TRIM9: variants seen among roughly 807,000 people sequenced by gnomAD.
TRIM9 encodes the protein tripartite motif containing 9, also known as E3 ubiquitin-protein ligase TRIM9.
Under a neutral mutation model 78.3 loss-of-function variants are expected in TRIM9, and 26 were observed. The observed-to-expected ratio is 0.33, with a 90% CI of 0.24 to 0.46. TRIM9 has a LOEUF of 0.46. TRIM9 is among the 20% of genes least tolerant of loss of function. The pLI, the probability that TRIM9 is intolerant of heterozygous loss-of-function variation, is 1.00. For synonymous variants in TRIM9, 398 were observed against 416.5 expected, an observed-to-expected ratio of 0.96 and a Z score of 0.54; for missense variants, 787 against 1,036.4, an observed-to-expected ratio of 0.76 and a Z score of 3.30.
chr14:51,004,027 A>G (rs1237447033), intron 5 of TRIM9, among the ~76,000 whole-genome samples: 2 of 152,202 alleles, frequency 1.3e-5, no homozygotes, highest in African/African-American at 2.4e-5. Flanking sequence ...TCTATCTTTT[A>G]TGGTTTGGAA....
chr14:51,026,150 G>A (rs541096781), intron 1 of TRIM9, among the ~76,000 whole-genome samples: 1 of 152,324 alleles, frequency 6.6e-6, no homozygotes, highest in Non-Finnish European at 1.5e-5. Flanking sequence ...AGGGGTCTGA[G>A]AAAGCTTTTG....
chr14:51,059,511 C>A (rs1391128296), intron 1 of TRIM9, among the ~76,000 whole-genome samples: 1 of 144,152 alleles, frequency 6.9e-6, no homozygotes, highest in Admixed American at 7.1e-5. Context: ...AAAACAAAAA[C>A]CTGCTTGGCT....
intron 1 of TRIM9, among the ~76,000 whole-genome samples, chr14:51,088,384 C>T (rs1393795386): frequency 6.6e-6 from 1 of 152,140 alleles, no homozygotes. Context: ...ACAATGTGAA[C>T]TACCTGCAGC....
chr14:51,011,211 T>C (rs2139645689), intron 3 of TRIM9, among the ~76,000 whole-genome samples: 1 of 152,352 alleles, frequency 6.6e-6, no homozygotes, highest in East Asian at 1.9e-4. Flanking sequence ...TTAACCTAAA[T>C]AGGCATCTCT....
chr14:51,093,531 T>C (rs1428103509), intron 1 of TRIM9, among the ~76,000 whole-genome samples: 1 of 152,226 alleles, frequency 6.6e-6, no homozygotes, highest in Non-Finnish European at 1.5e-5. Flanking sequence ...TTTGAGCACG[T>C]GGCACCAGGA....
intron 1 of TRIM9, among the ~76,000 whole-genome samples, chr14:51,088,039 T>C (rs2063931431): frequency 2.6e-5 from 4 of 152,212 alleles, no homozygotes; most frequent in Admixed American, 2.6e-4. Flanking sequence ...ACTACAAAAC[T>C]TATGTTAATT....
At chr14:51,027,166 CAGAG>C (rs2058324442) in intron 1 of TRIM9, among the ~76,000 whole-genome samples, 1 of 109,984 alleles carries the variant, frequency 9.1e-6, no homozygotes, top group Non-Finnish European at 1.7e-5. Flanking sequence ...TTTTTTGAGA[CAGAG>C]TCTCACTCTC....
chr14:51,094,700 G>A lies in TRIM9; in HGVS notation c.240C>T (p.Ser80=). 3 of 1,568,208 alleles carry A rather than the reference G, an allele frequency of 1.9e-6. No homozygotes were observed. The highest frequency in any genetic ancestry group is 2.6e-6 in the Non-Finnish European group (3 of 1,155,874). Residue 80 remains serine, a synonymous_variant, in exon 1 of 13, where the codon TCC becomes TCT. Coordinates refer to ENST00000684578, the MANE Select transcript of TRIM9 (RefSeq NM_001387360.1). ...TGGGGGCGCTGGCGAACCCCCCGTAGGAGCCATAGCCGCTGTCCGCCTCGC... is the reference window on the plus strand; with the variant it reads ...TGGGGGCGCTGGCGAACCCCCCGTAAGAGCCATAGCCGCTGTCCGCCTCGC... The part of the protein sequence containing the change: ...LYSEADSGYG[S]YGGFASAPTT...
At chr14:51,091,641 G>A (rs936591316) in intron 1 of TRIM9, among the ~76,000 whole-genome samples, 2 of 152,192 alleles carry the variant, frequency 1.3e-5, no homozygotes, top group Admixed American at 1.3e-4. Context: ...CAGATGACAA[G>A]TGAATGTTAA....
At chr14:51,086,985 T>TA (rs1196176003) in intron 1 of TRIM9, among the ~76,000 whole-genome samples, 1 of 151,580 alleles carries the variant, frequency 6.6e-6, no homozygotes, top group African/African-American at 2.4e-5. Flanking sequence ...AGTTATTTAA[T>TA]AAAAAAGTGT....
intron 7 of TRIM9, among the ~76,000 whole-genome samples, chr14:50,989,662 A>C (rs931114722): frequency 6.6e-6 from 1 of 152,324 alleles, no homozygotes; most frequent in East Asian, 1.9e-4. Flanking sequence ...GAATGAAAGC[A>C]GTTTAGCAGG....
At chr14:50,985,930 G>T in intron 8 of TRIM9, 26 bp downstream of exon 8, 2 of 1,460,146 alleles carry the variant, frequency 1.4e-6, no homozygotes, top group Admixed American at 2.4e-5. Flanking sequence ...GAGATCAAGG[G>T]GAAAGGTCTG....
intron 7 of TRIM9, among the ~76,000 whole-genome samples, chr14:50,988,677 A>C (rs1456230903): frequency 1.3e-5 from 2 of 152,072 alleles, no homozygotes; most frequent in African/African-American, 4.8e-5. Flanking sequence ...ACAACAACAA[A>C]AAAATCCTAC....
rs1020170477 is a variant in TRIM9 at position 50,995,970 on chromosome 14, A to T, written c.1603+2080T>A. 39 of 363,984 alleles carry T rather than the reference A, an allele frequency of 1.1e-4. 1 individual carries two copies. Among genetic ancestry groups the T allele is most frequent in the Admixed American group, 5.2e-4 (8 of 15,496 alleles). The allele number at this position is 363,984 out of a possible 1,614,324, so 22.5% of individuals were successfully genotyped here. A position where few individuals can be genotyped will look rare whatever the true frequency, so the allele number is the denominator to read the frequency against. On this transcript the variant is annotated intron_variant, in intron 7 of 12. Transcript: ENST00000684578. ...ACAGATCGATCATATCTTTTTTTTT[A>T]AAATAAGCTATTCACTATATTTTTT...
At chr14:51,034,402 TA>T (rs935894034) in intron 1 of TRIM9, among the ~76,000 whole-genome samples, 1 of 152,178 alleles carries the variant, frequency 6.6e-6, no homozygotes, top group Admixed American at 6.5e-5. Context: ...AGGTAAATTT[TA>T]AAAAATGAGA....
At chr14:51,077,675 T>TG (rs2062929929) in intron 1 of TRIM9, among the ~76,000 whole-genome samples, 1 of 152,200 alleles carries the variant, frequency 6.6e-6, no homozygotes, top group South Asian at 2.1e-4. Flanking sequence ...ATTACAGGCA[T>TG]GAGTCACCAC....
At chr14:51,033,526 T>G (rs928305330) in intron 1 of TRIM9, among the ~76,000 whole-genome samples, 13 of 152,262 alleles carry the variant, frequency 8.5e-5, no homozygotes, top group Non-Finnish European at 1.8e-4. Context: ...TGTAGTATCG[T>G]TCAGAACAAT....
intron 1 of TRIM9, among the ~76,000 whole-genome samples, chr14:51,033,550 A>C (rs1426811724): frequency 6.6e-6 from 1 of 152,206 alleles, no homozygotes; most frequent in African/African-American, 2.4e-5. Context: ...CTCTGGTCCC[A>C]TTTTGTCACA....
intron 1 of TRIM9, among the ~76,000 whole-genome samples, chr14:51,056,943 T>C (rs1003812436): frequency 1.3e-5 from 2 of 152,234 alleles, no homozygotes; most frequent in Non-Finnish European, 2.9e-5. Flanking sequence ...CAATATCTTG[T>C]ACCTGTTAAT....
Sources: gnomAD v4.1 joint callset for allele counts (sites outside exome capture counted in the v4.1 genomes callset) on GRCh38, gnomAD v4.1.1 for gene constraint, MANE v1.5 for transcripts, NCBI Gene and HGNC (gene_info 2026-07-23, HGNC 2026-07-21) for gene names.